CPAP: variants seen among roughly 807,000 people sequenced by gnomAD.
CPAP encodes centrosomal P4.1-associated protein.
At chr13:24,923,244 GTT>G in the CPAP span, among the ~76,000 whole-genome samples, 8,382 of 146,492 alleles carry the variant, frequency 0.057, 483 homozygotes, top group African/African-American at 0.15. Flanking sequence ...TTTGGGTTTT[GTT>G]TTTTTTTTTT....
the CPAP span, chr13:24,933,254 C>A: frequency 2.5e-6 from 2 of 804,050 alleles, no homozygotes; most frequent in Non-Finnish European, 2.0e-6. Flanking sequence ...CTACTGGAAG[C>A]TCATCAGGAG....
At chr13:24,911,472 T>C in the CPAP span, among the ~76,000 whole-genome samples, 565 of 152,254 alleles carry the variant, frequency 3.7e-3, 4 homozygotes, top group Non-Finnish European at 5.9e-3. Flanking sequence ...ACCCAACAGT[T>C]TTCATTCATC....
At chr13:24,886,737 C>T in the CPAP span, among the ~76,000 whole-genome samples, 9 of 152,148 alleles carry the variant, frequency 5.9e-5, no homozygotes, top group Non-Finnish European at 1.2e-4. Flanking sequence ...CTCATAACCA[C>T]CTTTAGAGAA....
chr13:24,894,734 G>C, the CPAP span, among the ~76,000 whole-genome samples: 1 of 152,146 alleles, frequency 6.6e-6, no homozygotes, highest in South Asian at 2.1e-4. Context: ...GCGGAGGGTG[G>C]GCTCCGTGGG....
At chr13:24,932,957 T>G in the CPAP span, 1 of 1,304,656 alleles carries the variant, frequency 7.7e-7, no homozygotes, top group Non-Finnish European at 1.1e-6. Context: ...AAATTCACTG[T>G]CATATTGACT....
At chr13:24,888,919 C>T in the CPAP span, among the ~76,000 whole-genome samples, 1 of 152,056 alleles carries the variant, frequency 6.6e-6, no homozygotes, top group South Asian at 2.1e-4. Flanking sequence ...TGCTTGGGAG[C>T]AGTATTGCAG....
chr13:24,882,599 G>C, the CPAP span: 1 of 153,748 alleles, frequency 6.5e-6, no homozygotes, highest in African/African-American at 2.4e-5. Flanking sequence ...TACAAAGTCA[G>C]CCTTGTTATA....
At chr13:24,903,069 C>T in the CPAP span, among the ~76,000 whole-genome samples, 1 of 152,178 alleles carries the variant, frequency 6.6e-6, no homozygotes, top group East Asian at 1.9e-4. Flanking sequence ...AATATGTCTA[C>T]GTAAAATTTA....
chr13:24,909,986 G>C, the CPAP span: 68 of 1,614,028 alleles, frequency 4.2e-5, no homozygotes, highest in Non-Finnish European at 5.8e-5. Flanking sequence ...TTGGGTCCGG[G>C]TAGACATATG....
At chr13:24,915,096 TTAA>T in the CPAP span, among the ~76,000 whole-genome samples, 1 of 150,492 alleles carries the variant, frequency 6.6e-6, no homozygotes, top group African/African-American at 2.5e-5. Context: ...AATTAATTAA[TTAA>T]TAATAAATTA....
chr13:24,898,258 T>G, the CPAP span, among the ~76,000 whole-genome samples: 3 of 152,100 alleles, frequency 2.0e-5, no homozygotes, highest in African/African-American at 4.8e-5. Context: ...ATAGGTGAAA[T>G]GAGGAGATGT....
the CPAP span, among the ~76,000 whole-genome samples, chr13:24,929,407 G>C: frequency 6.6e-6 from 1 of 152,196 alleles, no homozygotes; most frequent in Admixed American, 6.5e-5. Flanking sequence ...CAGAATTCAT[G>C]GTTGCCAGTT....
At chr13:24,898,723 AG>A in the CPAP span, among the ~76,000 whole-genome samples, 1 of 152,254 alleles carries the variant, frequency 6.6e-6, no homozygotes, top group Non-Finnish European at 1.5e-5. Context: ...TGCATGAGAC[AG>A]GAAGAAAGCA....
At chr13:24,908,435 CAAAAAAAAAAA>C in the CPAP span, among the ~76,000 whole-genome samples, 17 of 80,900 alleles carry the variant, frequency 2.1e-4, no homozygotes, top group South Asian at 4.6e-4. Flanking sequence ...CCCGTCTCTA[CAAAAAAAAAAA>C]AAAAAAAAAA....
the CPAP span, chr13:24,883,152 T>G: frequency 6.3e-7 from 1 of 1,596,586 alleles, no homozygotes; most frequent in African/African-American, 1.3e-5. Flanking sequence ...TCAGTTACTG[T>G]TACTTCATGA....
chr13:24,916,128 G>C, the CPAP span, among the ~76,000 whole-genome samples: 1 of 152,140 alleles, frequency 6.6e-6, no homozygotes, highest in Middle Eastern at 3.2e-3. Flanking sequence ...AAGGTGAAGA[G>C]GAGTATTTTT....
At chr13:24,892,654 CCTT>C in the CPAP span, 11 of 1,614,036 alleles carry the variant, frequency 6.8e-6, no homozygotes, top group Admixed American at 1.7e-5. Flanking sequence ...GCAAGCTTGT[CCTT>C]CTTCTCCACC....
At chr13:24,925,070 T>A in the CPAP span, among the ~76,000 whole-genome samples, 2 of 152,188 alleles carry the variant, frequency 1.3e-5, no homozygotes, top group Non-Finnish European at 2.9e-5. Flanking sequence ...GCTCTGTGGG[T>A]CTTGTCAAAT....
At chr13:24,926,621 G>C in the CPAP span, among the ~76,000 whole-genome samples, 1 of 152,016 alleles carries the variant, frequency 6.6e-6, no homozygotes, top group African/African-American at 2.4e-5. Flanking sequence ...CTGTTACTAG[G>C]TAAAGGTGCC....
Sources: gnomAD v4.1 joint callset for allele counts (sites outside exome capture counted in the v4.1 genomes callset) on GRCh38, gnomAD v4.1.1 for gene constraint, MANE v1.5 for transcripts, NCBI Gene and HGNC (gene_info 2026-07-23, HGNC 2026-07-21) for gene names.